HHAT: variants seen among roughly 807,000 people sequenced by gnomAD.
HHAT encodes the protein hedgehog acyltransferase, also known as protein-cysteine N-palmitoyltransferase HHAT.
In HHAT, 47 loss-of-function variants were observed where a neutral mutation model predicts 70.8. That is an observed-to-expected ratio of 0.66 (90% CI 0.53 to 0.85). HHAT has a LOEUF of 0.85. Ranked by LOEUF, HHAT falls within the 40% of genes least tolerant of loss-of-function variation. HHAT has a pLI of 0.00. For synonymous variants in HHAT, 228 were observed against 247.6 expected (o/e 0.92, Z 0.74); for missense variants, 609 against 604.8 (o/e 1.01, Z -0.07).
chr1:210,652,398 G>A (rs571706016), intron 11 of HHAT, among the ~76,000 whole-genome samples: 107 of 152,242 alleles, frequency 7.0e-4, no homozygotes, highest in South Asian at 1.9e-3. Context: ...TGATTTCCTC[G>A]CTTAATAAAG....
At chr1:210,463,896 G>C (rs2094036090) in intron 7 of HHAT, among the ~76,000 whole-genome samples, 1 of 152,152 alleles carries the variant, frequency 6.6e-6, no homozygotes, top group South Asian at 2.1e-4. Flanking sequence ...TAAATTTTGT[G>C]GGTGCATAGT....
chr1:210,590,556 AAAAAAAAAG>A (rs1359615288), intron 10 of HHAT: 2 of 149,658 alleles, frequency 1.3e-5, no homozygotes, highest in African/African-American at 4.9e-5. Flanking sequence ...AAAAAAAAAA[AAAAAAAAAG>A]GCAACAGAAG....
chr1:210,583,947 A>ATT (rs371722219), intron 9 of HHAT, among the ~76,000 whole-genome samples: 1,008 of 88,966 alleles, frequency 0.011, 71 homozygotes, highest in Middle Eastern at 0.056. Context: ...AGTGCAGCTA[A>ATT]TTTTTTTTTT....
intron 9 of HHAT, among the ~76,000 whole-genome samples, chr1:210,571,035 A>G (rs1354344621): frequency 1.3e-5 from 2 of 152,138 alleles, no homozygotes; most frequent in African/African-American, 4.8e-5. Flanking sequence ...GGCTCTCCCA[A>G]TCTCCTGGCC....
intron 10 of HHAT, chr1:210,588,595 A>T (rs935285490): frequency 6.5e-6 from 1 of 153,154 alleles, no homozygotes; most frequent in Non-Finnish European, 1.5e-5. Context: ...ATTAGTAATC[A>T]TATTATTCTA....
At chr1:210,374,119 T>TTTTCC (rs2089901547) in intron 3 of HHAT, 2 of 146,488 alleles carry the variant, frequency 1.4e-5, no homozygotes, top group African/African-American at 4.9e-5. Flanking sequence ...CACCATAATG[T>TTTTCC]TTTCCTCTTT....
At chr1:210,342,695 C>T (rs1168692148) in intron 1 of HHAT, among the ~76,000 whole-genome samples, 1 of 152,170 alleles carries the variant, frequency 6.6e-6, no homozygotes. Context: ...GTAAGAACCT[C>T]CTTGATTTCA....
intron 10 of HHAT, among the ~76,000 whole-genome samples, chr1:210,613,102 A>C (rs778528978): frequency 3.1e-5 from 4 of 127,894 alleles, no homozygotes; most frequent in Non-Finnish European, 7.4e-5. Context: ...TGATGAATAA[A>C]AGTTAATTTG....
intron 9 of HHAT, among the ~76,000 whole-genome samples, chr1:210,571,698 C>T (rs999715159): frequency 4.6e-5 from 7 of 152,186 alleles, no homozygotes; most frequent in Admixed American, 1.3e-4. Flanking sequence ...GCCATCAGTA[C>T]GGTGCACTTC....
intron 9 of HHAT, among the ~76,000 whole-genome samples, chr1:210,526,863 T>TAATATGA (rs1553257077): frequency 6.6e-6 from 1 of 152,204 alleles, no homozygotes; most frequent in Non-Finnish European, 1.5e-5. Context: ...TGATGTGATA[T>TAATATGA]AATATGAAAT....
chr1:210,671,503 G>T (rs1260291560), intron 11 of HHAT, among the ~76,000 whole-genome samples: 1 of 152,200 alleles, frequency 6.6e-6, no homozygotes, highest in Non-Finnish European at 1.5e-5. Context: ...TTTGGGAATA[G>T]GTTCTTTATG....
intron 11 of HHAT, among the ~76,000 whole-genome samples, chr1:210,639,091 A>G (rs1218239005): frequency 2.6e-5 from 4 of 152,110 alleles, no homozygotes; most frequent in Non-Finnish European, 4.4e-5. Flanking sequence ...ATATGGCCCT[A>G]TCTGCTCCGT....
chr1:210,614,400 T>TA (rs931331464), intron 10 of HHAT, among the ~76,000 whole-genome samples: 34 of 152,242 alleles, frequency 2.2e-4, no homozygotes, highest in Non-Finnish European at 4.3e-4. Context: ...TGTTTTCCTT[T>TA]AAAAAATTTT....
At chr1:210,473,490 G>A (rs1172143443) in intron 8 of HHAT, among the ~76,000 whole-genome samples, 1 of 152,052 alleles carries the variant, frequency 6.6e-6, no homozygotes, top group Admixed American at 6.6e-5. Flanking sequence ...CACCGAGGGG[G>A]ACGGGATGGG....
intron 1 of HHAT, among the ~76,000 whole-genome samples, chr1:210,334,178 A>ATTTTT (rs3033354): frequency 0.024 from 2,373 of 99,876 alleles, 507 homozygotes; most frequent in South Asian, 0.052. Context: ...TTAGCGTGTC[A>ATTTTT]TTTTTTTTTT....
chr1:210,566,100 G>A (rs189639115), intron 9 of HHAT, among the ~76,000 whole-genome samples: 1 of 152,260 alleles, frequency 6.6e-6, no homozygotes, highest in East Asian at 1.9e-4. Flanking sequence ...GATCTGCCAT[G>A]CTTTGCTGCT....
chr1:210,386,136 TCAA>T (rs2091021546), intron 3 of HHAT, among the ~76,000 whole-genome samples: 1 of 151,912 alleles, frequency 6.6e-6, no homozygotes, highest in South Asian at 2.1e-4. Flanking sequence ...ACACTTTTCT[TCAA>T]ATCCAATTAA....
intron 3 of HHAT, among the ~76,000 whole-genome samples, chr1:210,381,444 C>T (rs535125983): frequency 6.8e-4 from 104 of 152,158 alleles, no homozygotes; most frequent in Non-Finnish European, 6.8e-4. Context: ...GCACTCCCAG[C>T]TAATATTTGT....
At chr1:210,548,618 T>A (rs1277618423) in intron 9 of HHAT, among the ~76,000 whole-genome samples, 1 of 152,162 alleles carries the variant, frequency 6.6e-6, no homozygotes, top group Non-Finnish European at 1.5e-5. Flanking sequence ...GCATGGAGAA[T>A]TAGGTAACAG....
Sources: allele counts gnomAD v4.1 joint callset (sites outside exome capture counted in the v4.1 genomes callset), GRCh38; gene constraint gnomAD v4.1.1; transcripts MANE v1.5; gene names NCBI Gene and HGNC (gene_info 2026-07-23, HGNC 2026-07-21).